Variants in FECH observed in about 807,000 individuals in gnomAD.
FECH encodes ferrochelatase, mitochondrial.
A neutral mutation model predicts 56.9 loss-of-function variants in FECH; 40 were observed. That is an observed-to-expected ratio of 0.70 (90% CI 0.55 to 0.92). The LOEUF (loss-of-function observed/expected upper bound fraction) is 0.92, where lower values mean the gene tolerates loss of function less well. Among genes scored for constraint, FECH ranks in the 40% least tolerant of loss-of-function variants. The pLI, the probability that FECH is intolerant of heterozygous loss-of-function variation, is 0.00. For synonymous variants in FECH, 175 were observed against 198.6 expected, an observed-to-expected ratio of 0.88 and a Z score of 1.00; for missense variants, 431 against 529.1, an observed-to-expected ratio of 0.81 and a Z score of 1.82.
rs1169472817 is a variant in FECH at position 57,546,518 on chromosome 18, A to G, written c.*4194T>C. On this transcript the variant is annotated 3_prime_UTR_variant, in exon 11 of 11. Transcript: ENST00000262093. ...TACTTTGGATAAGCACAATGGCATCACATTGAGCAAAGGATCTCTTTTACA... is the reference window on the plus strand; with the variant it reads ...TACTTTGGATAAGCACAATGGCATCGCATTGAGCAAAGGATCTCTTTTACA... Among the ~76,000 whole-genome samples the G allele has an allele frequency of 1.3e-5, 2 of 152,210 alleles. No homozygotes were observed. Among genetic ancestry groups the G allele is most frequent in the South Asian group, 2.1e-4 (1 of 4,834 alleles).
intron 1 of FECH, among the ~76,000 whole-genome samples, chr18:57,583,237 A>C (rs1157876357): frequency 6.6e-6 from 1 of 152,228 alleles, no homozygotes; most frequent in African/African-American, 2.4e-5. Context: ...GTCCAGGCTA[A>C]AGGAGTTTAA....
rs767202769 is a variant in FECH, at chr18:57,562,988, A to G, written c.599-8T>C. 12 of 1,606,716 alleles carry G rather than the reference A, an allele frequency of 7.5e-6. No individual in the cohort carries two copies. Among genetic ancestry groups the G allele is most frequent in the Non-Finnish European group, 1.0e-5 (12 of 1,173,356 alleles). On this transcript the variant is annotated splice_polypyrimidine_tract_variant and splice_region_variant and intron_variant, in intron 5 of 10. Transcript: ENST00000262093. ...TGGCATTTAAGCTGCTGCCTGAAATATACAGAGACCACTTAGTAGATGCAT... is the reference window on the plus strand; with the variant it reads ...TGGCATTTAAGCTGCTGCCTGAAATGTACAGAGACCACTTAGTAGATGCAT...
chr18:57,586,458 T>TC, intron 1 of FECH, 96 bp downstream of exon 1: 1 of 1,332,070 alleles, frequency 7.5e-7, no homozygotes, highest in Non-Finnish European at 1.0e-6. Flanking sequence ...GCTCCCCGAA[T>TC]CCCCCGGGCG....
In FECH at chr18:57,548,315, T is replaced by C. The variant is rs958178763; in HGVS notation, c.*2397A>G. On this transcript the variant is annotated 3_prime_UTR_variant, in exon 11 of 11. Transcript: ENST00000262093. ...CTCCTGATACGAAGCAAATTTTGAG[T>C]GCAAAAATTTATTGTGATTTTTAAA... 2 of 151,218 alleles carry C rather than the reference T, an allele frequency of 1.3e-5. No individual in the cohort carries two copies. The highest frequency in any genetic ancestry group is 2.9e-5 in the Non-Finnish European group (2 of 67,884). The allele number at this position is 151,218 out of a possible 1,614,324, so 9.4% of individuals were successfully genotyped here.
At chr18:57,569,343 T>C (rs1303620271) in intron 4 of FECH, among the ~76,000 whole-genome samples, 1 of 152,220 alleles carries the variant, frequency 6.6e-6, no homozygotes, top group Non-Finnish European at 1.5e-5. Flanking sequence ...TCTCAAAACG[T>C]CCACACTGGC....
At position 57,567,277 on chromosome 18, in the gene FECH, G is replaced by A. The variant is rs542790991; in HGVS notation, c.464-696C>T. ...ATATAAAACAGTGCTTACTTTGGAGGTGCCACATGGGATTGAAAGCCATTG... is the reference window on the plus strand; with the variant it reads ...ATATAAAACAGTGCTTACTTTGGAGATGCCACATGGGATTGAAAGCCATTG... On this transcript the variant is annotated intron_variant, in intron 4 of 10. Transcript: ENST00000262093. Among the ~76,000 whole-genome samples, 6 of 152,340 alleles carry A rather than the reference G, an allele frequency of 3.9e-5. No homozygotes were observed. In the East Asian group the frequency reaches 1.2e-3, roughly 29 times the overall value.
intron 6 of FECH, among the ~76,000 whole-genome samples, chr18:57,562,069 A>G (rs1366491071): frequency 6.6e-6 from 1 of 152,218 alleles, no homozygotes; most frequent in Non-Finnish European, 1.5e-5. Flanking sequence ...CTTCTAAAGA[A>G]GTTGTTAGTA....
At chr18:57,570,511 T>C (rs2051089515) in intron 4 of FECH, among the ~76,000 whole-genome samples, 1 of 152,202 alleles carries the variant, frequency 6.6e-6, no homozygotes, top group African/African-American at 2.4e-5. Flanking sequence ...GAAATGCTCC[T>C]TTTGGTCCTG....
intron 5 of FECH, among the ~76,000 whole-genome samples, chr18:57,563,940 G>A (rs924997795): frequency 2.6e-5 from 4 of 152,068 alleles, no homozygotes; most frequent in African/African-American, 7.2e-5. Context: ...GTGCAGTGGC[G>A]CGATCTCAGC....
intron 9 of FECH, among the ~76,000 whole-genome samples, chr18:57,553,718 A>G (rs901861846): frequency 1.3e-5 from 2 of 152,212 alleles, no homozygotes; most frequent in Non-Finnish European, 2.9e-5. Flanking sequence ...ACATAACAGC[A>G]AACAGCTAAT....
chr18:57,570,027 G>C (rs905428034), intron 4 of FECH, among the ~76,000 whole-genome samples: 1 of 95,094 alleles, frequency 1.1e-5, no homozygotes, highest in African/African-American at 3.5e-5. Context: ...TGTTGTTGTT[G>C]TTGTCGTGTG....
chr18:57,554,497 C>A lies in FECH; in HGVS notation c.913-73G>T. The A allele has an allele frequency of 2.6e-6, 4 of 1,520,150 alleles. No individual in the cohort carries two copies. The Admixed American group carries it at 5.0e-5, about 19-fold the overall frequency. The allele number at this position is 1,520,150 out of a possible 1,614,324, so 94.2% of individuals were successfully genotyped here. A position where few individuals can be genotyped will look rare whatever the true frequency, so the allele number is the denominator to read the frequency against. ...GTCTGTAGTACCCCTGTTTGCCCCC[C>A]TGGGCACACGCACTGCCCACTGCGG... On this transcript the variant is annotated intron_variant, in intron 8 of 10. Coordinates refer to ENST00000262093, the MANE Select transcript of FECH (RefSeq NM_000140.5).
Position 57,548,716 on chromosome 18 carries a change from T to TA in FECH, c.*1995dup. 6.6e-6 allele frequency: 1 copy of TA among 152,242 alleles called. No homozygotes were observed. The highest frequency in any genetic ancestry group is 1.9e-4 in the East Asian group (1 of 5,202). 9.4% of individuals were successfully genotyped at this position (152,242 alleles called of 1,614,324 possible). ...CAAATGCCATGAGCAGTGATCTCAATAAATTCCTCTTTGCCTGTCACTATA... is the reference window on the plus strand; with the variant it reads ...CAAATGCCATGAGCAGTGATCTCAATAAAATTCCTCTTTGCCTGTCACTATA... On this transcript the variant is annotated 3_prime_UTR_variant, in exon 11 of 11. Coordinates refer to ENST00000262093, the MANE Select transcript of FECH (RefSeq NM_000140.5).
At chr18:57,574,844 T>C (rs552490449) in intron 2 of FECH, among the ~76,000 whole-genome samples, 5 of 152,334 alleles carry the variant, frequency 3.3e-5, no homozygotes, top group African/African-American at 1.2e-4. Flanking sequence ...GAGATATAAC[T>C]CACATACCAC....
intron 9 of FECH, among the ~76,000 whole-genome samples, chr18:57,552,393 TTTA>T (rs1028175382): frequency 1.3e-5 from 2 of 151,432 alleles, no homozygotes; most frequent in African/African-American, 4.8e-5. Context: ...TTTATTTTAT[TTTA>T]TTTATTTATT....
intron 6 of FECH, among the ~76,000 whole-genome samples, chr18:57,561,632 G>A (rs1485767663): frequency 6.6e-6 from 1 of 152,188 alleles, no homozygotes; most frequent in Non-Finnish European, 1.5e-5. Context: ...CCTCAGTTAA[G>A]AGACCTTTCC....
intron 1 of FECH, among the ~76,000 whole-genome samples, chr18:57,583,734 G>C (rs574707864): frequency 2.6e-5 from 4 of 152,188 alleles, no homozygotes; most frequent in African/African-American, 9.6e-5. Flanking sequence ...GCCGAGGCGG[G>C]AGAACTGCTT....
intron 9 of FECH, among the ~76,000 whole-genome samples, chr18:57,552,491 C>T (rs2050812682): frequency 6.6e-6 from 1 of 152,038 alleles, no homozygotes; most frequent in South Asian, 2.1e-4. Context: ...ACCTCCACCT[C>T]CCAGATTCAA....
At chr18:57,579,989 C>T (rs2122356779) in intron 2 of FECH, 84 bp downstream of exon 2, 1 of 1,589,704 alleles carries the variant, frequency 6.3e-7, no homozygotes. Context: ...TTTCCCAGCA[C>T]CTTTCCTCCC....
Sources: gnomAD v4.1 joint callset for allele counts (sites outside exome capture counted in the v4.1 genomes callset) on GRCh38, gnomAD v4.1.1 for gene constraint, MANE v1.5 for transcripts, NCBI Gene and HGNC (gene_info 2026-07-23, HGNC 2026-07-21) for gene names.